The following RNF111 variants were observed in gnomAD, a reference collection of about 807,000 sequenced individuals.
The protein encoded by RNF111 is E3 ubiquitin-protein ligase Arkadia.
Under a neutral mutation model 95.1 loss-of-function variants are expected in RNF111, and 17 were observed. The observed-to-expected ratio is 0.18, with a 90% confidence interval of 0.12 to 0.27. The LOEUF (loss-of-function observed/expected upper bound fraction) is 0.27. Ranked by LOEUF, RNF111 falls within the 10% of genes least tolerant of loss-of-function variation. The pLI is 1.00. For missense variants in RNF111, 1,189 were observed against 1,210.4 expected (o/e 0.98, Z 0.26); for synonymous variants, 440 against 414.8 (o/e 1.06, Z -0.74).
intron 1 of RNF111, among the ~76,000 whole-genome samples, chr15:59,022,333 A>G (rs1423334789): frequency 6.6e-6 from 1 of 152,210 alleles, no homozygotes; most frequent in Non-Finnish European, 1.5e-5. Context: ...CTGAGATACT[A>G]AAATCATGTG....
At chr15:59,067,216 TTCCCTCCCTGCC>T in intron 6 of RNF111, 133 bp downstream of exon 6, 1 of 759,570 alleles carries the variant, frequency 1.3e-6, no homozygotes, top group Non-Finnish European at 2.1e-6. Context: ...CCCTGCTTTC[TTCCCTCCCTGCC>T]TCCCTCCGTT....
At chr15:59,045,862 A>G (rs2041683850) in intron 2 of RNF111, among the ~76,000 whole-genome samples, 1 of 152,230 alleles carries the variant, frequency 6.6e-6, no homozygotes, top group African/African-American at 2.4e-5. Flanking sequence ...AATAATTTGG[A>G]AATTCAATCT....
chr15:59,010,708 T>A (rs529466486), intron 1 of RNF111, among the ~76,000 whole-genome samples: 14 of 152,140 alleles, frequency 9.2e-5, no homozygotes, highest in Non-Finnish European at 2.1e-4. Flanking sequence ...GACCTCCACA[T>A]CTGTTTTAAT....
chr15:59,091,035 A>C, intron 11 of RNF111, 24 bp from the exon 12 acceptor site: 1 of 1,403,434 alleles, frequency 7.1e-7, no homozygotes, highest in Non-Finnish European at 1.0e-6. Flanking sequence ...GGCTTTTACC[A>C]GTCATTATAT....
Position 59,022,763 on chromosome 15 carries a change from C to T in RNF111, c.-19-8041C>T, listed in dbSNP as rs138143759. Among the ~76,000 whole-genome samples, 194 of 152,332 alleles carry T rather than the reference C, an allele frequency of 1.3e-3. 1 individual carries two copies. Among genetic ancestry groups the T allele is most frequent in the African/African-American group, 4.5e-3 (186 of 41,562 alleles). ...CATTGGCAGATAATAGGAAACTTCT[C>T]ATTATTAATATCAGCATAGACACAT... is the stretch of plus-strand genomic sequence containing the variant. On this transcript the variant is annotated intron_variant, in intron 1 of 13. Transcript: ENST00000348370.
At chr15:59,092,078 C>T (rs765316823) in intron 12 of RNF111, among the ~76,000 whole-genome samples, 11 of 152,164 alleles carry the variant, frequency 7.2e-5, no homozygotes, top group Non-Finnish European at 1.6e-4. Flanking sequence ...TTACTATTCT[C>T]TGTATTTTTC....
chr15:59,015,886 C>A (rs112077574), intron 1 of RNF111, among the ~76,000 whole-genome samples: 184 of 152,150 alleles, frequency 1.2e-3, no homozygotes, highest in African/African-American at 4.2e-3. Context: ...GAGACAGGTT[C>A]TCACGCCCAG....
At chr15:59,026,279 G>C (rs188959739) in intron 1 of RNF111, among the ~76,000 whole-genome samples, 98 of 152,092 alleles carry the variant, frequency 6.4e-4, no homozygotes, top group African/African-American at 2.3e-3. Flanking sequence ...CTAATTTTTA[G>C]TTTTGAAAGT....
Position 59,081,235 on chromosome 15 carries a change from G to A in RNF111, c.2248G>A (p.Val750Met). 6 of 1,614,166 alleles carry A rather than the reference G, an allele frequency of 3.7e-6. No individual in the cohort carries two copies. The highest frequency in any genetic ancestry group is 5.1e-6 in the Non-Finnish European group (6 of 1,180,032). ...AGCACAGAGACTGCATCCTCATGAA[G>A]TGATGCAGAGGATGGAAGTTCAAAG... The part of the protein sequence containing the change: ...PPAQRLHPHE[V>M]MQRMEVQRRR... The change falls in exon 8 of 14, where the codon GTG becomes ATG. Residue 750 changes from valine (V) to methionine (M), a missense_variant. By Grantham distance (21) the Val-to-Met change is conservative. Transcript: ENST00000348370.
At chr15:59,067,257 C>A (rs1194551559) in intron 6 of RNF111, among the ~76,000 whole-genome samples, 174 bp downstream of exon 6, 1 of 73,946 alleles carries the variant, frequency 1.4e-5, no homozygotes, top group African/African-American at 5.3e-5. Flanking sequence ...TTTTTTTTAA[C>A]TCCCTCCCAT....
At chr15:59,090,929 G>GT (rs1566947390) in intron 11 of RNF111, 130 bp from the exon 12 acceptor site, 4 of 543,436 alleles carry the variant, frequency 7.4e-6, no homozygotes, top group East Asian at 3.0e-5. Context: ...TCATGTGTAA[G>GT]TTTTTTTGAA....
chr15:59,096,985 A>G lies in RNF111; in HGVS notation c.*2085A>G. ...CCTGTTGACTTGTTTTATAATTGCT[A>G]CTGATTTTTTTAATGTAGGCAAAGC... is the stretch of plus-strand genomic sequence containing the variant. On this transcript the variant is annotated 3_prime_UTR_variant, in exon 14 of 14. Coordinates refer to ENST00000348370, the MANE Select transcript of RNF111 (RefSeq NM_017610.8). The G allele has an allele frequency of 6.6e-6, 1 of 152,100 alleles. No individual in the cohort carries two copies. Among genetic ancestry groups the G allele is most frequent in the Non-Finnish European group, 1.5e-5 (1 of 68,016 alleles). The allele number at this position is 152,100 out of a possible 1,614,324, so 9.4% of individuals were successfully genotyped here.
rs1275952695 is a variant in RNF111 at position 59,081,238 on chromosome 15, A to G, written c.2251A>G (p.Met751Val). ...PAQRLHPHEV[M>V]QRMEVQRRRM... ...ACAGAGACTGCATCCTCATGAAGTG[A>G]TGCAGAGGATGGAAGTTCAAAGGAG... Residue 751 changes from methionine (M) to valine (V), a missense_variant, in exon 8 of 14, where the codon ATG (methionine) becomes GTG (valine). This residue lies in a region of RNF111 where 1,024 missense variants were observed against 925.9 expected (regional missense o/e 1.11). Coordinates refer to ENST00000348370, the MANE Select transcript of RNF111 (RefSeq NM_017610.8). 1 of 1,614,230 alleles carries G rather than the reference A, an allele frequency of 6.2e-7. No homozygotes were observed.
intron 10 of RNF111, among the ~76,000 whole-genome samples, chr15:59,088,789 G>C (rs2078968927): frequency 6.6e-6 from 1 of 151,912 alleles, no homozygotes; most frequent in Non-Finnish European, 1.5e-5. Context: ...AAATATTGTA[G>C]AATCATTAAC....
intron 5 of RNF111, among the ~76,000 whole-genome samples, chr15:59,062,709 C>T (rs2042493923): frequency 6.6e-6 from 1 of 152,194 alleles, no homozygotes; most frequent in Non-Finnish European, 1.5e-5. Context: ...TTACTCTTCT[C>T]ATTCTACAGG....
chr15:58,995,353 C>T (rs528910487), intron 1 of RNF111, among the ~76,000 whole-genome samples: 3 of 152,272 alleles, frequency 2.0e-5, no homozygotes, highest in African/African-American at 7.2e-5. Context: ...CTGTTTTATT[C>T]AGTGGGTTAA....
intron 6 of RNF111, among the ~76,000 whole-genome samples, chr15:59,072,763 T>A (rs1188042941): frequency 1.3e-5 from 2 of 152,012 alleles, no homozygotes; most frequent in African/African-American, 4.8e-5. Flanking sequence ...GTCATTTCCA[T>A]CTTTTTCCTA....
In RNF111 at chr15:59,006,231, A is replaced by G. The variant is rs8024187; in HGVS notation, c.-20+18163A>G. ...GTTTGATGTATAATTTATATACAAT[A>G]TGAGGCACACGTTTTATGTATAGTT... On this transcript the variant is annotated intron_variant, in intron 1 of 13. Coordinates refer to ENST00000348370, the MANE Select transcript of RNF111 (RefSeq NM_017610.8). 8.3e-3 allele frequency among the ~76,000 whole-genome samples: 1,258 copies of G among 152,352 alleles called. 20 individuals carry two copies. The highest frequency in any genetic ancestry group is 0.029 in the African/African-American group (1,198 of 41,570).
intron 1 of RNF111, among the ~76,000 whole-genome samples, chr15:59,016,941 G>C (rs975651938): frequency 6.6e-6 from 1 of 151,818 alleles, no homozygotes; most frequent in Admixed American, 6.6e-5. Flanking sequence ...TAGGTTGCTT[G>C]CTCCTTACGA....
Sources: gnomAD v4.1 joint callset for allele counts (sites outside exome capture counted in the v4.1 genomes callset) on GRCh38, gnomAD v4.1.1 for gene constraint, gnomAD v4.1.1 regional missense constraint, MANE v1.5 for transcripts, NCBI Gene and HGNC (gene_info 2026-07-23, HGNC 2026-07-21) for gene names.